GRID2: variants seen among roughly 807,000 people sequenced by gnomAD.
GRID2 encodes glutamate receptor ionotropic, delta-2.
Under a neutral mutation model 114.8 loss-of-function variants are expected in GRID2, and 33 were observed. The observed-to-expected ratio is 0.29, with a 90% CI of 0.22 to 0.38. The LOEUF (loss-of-function observed/expected upper bound fraction) is 0.38, where lower values mean the gene tolerates loss of function less well. Among genes scored for constraint, GRID2 ranks in the 10% least tolerant of loss-of-function variants. The pLI is 1.00. For synonymous variants in GRID2, 505 were observed against 449.9 expected (o/e 1.12, Z -1.55); for missense variants, 1,184 against 1,257.7 (o/e 0.94, Z 0.89).
chr4:93,503,500 G>A (rs577332463), intron 12 of GRID2, among the ~76,000 whole-genome samples: 163 of 115,180 alleles, frequency 1.4e-3, no homozygotes, highest in African/African-American at 4.5e-3. Flanking sequence ...AACAGTCCTC[G>A]GTGTGTGATG....
intron 2 of GRID2, among the ~76,000 whole-genome samples, chr4:92,675,086 C>G (rs565431579): frequency 1.3e-5 from 2 of 152,246 alleles, no homozygotes; most frequent in Non-Finnish European, 2.9e-5. Flanking sequence ...TTTGTTCTGA[C>G]AAGTAGTTAA....
At chr4:92,795,993 G>A (rs1046801158) in intron 2 of GRID2, among the ~76,000 whole-genome samples, 2 of 151,836 alleles carry the variant, frequency 1.3e-5, no homozygotes, top group Admixed American at 6.6e-5. Context: ...GTGAAGTTAT[G>A]CACAACATCT....
intron 2 of GRID2, among the ~76,000 whole-genome samples, chr4:92,763,222 T>C (rs1297715254): frequency 6.6e-6 from 1 of 152,168 alleles, no homozygotes; most frequent in African/African-American, 2.4e-5. Flanking sequence ...TAAATTAACT[T>C]CTAGGCTTTA....
At chr4:92,740,363 A>G (rs1258288453) in intron 2 of GRID2, among the ~76,000 whole-genome samples, 1 of 152,150 alleles carries the variant, frequency 6.6e-6, no homozygotes, top group East Asian at 1.9e-4. Flanking sequence ...CTGTTTCTTC[A>G]TGCATGTCAG....
chr4:93,788,682 G>A (rs764916481), intron 1 of GRID2, among the ~76,000 whole-genome samples: 1 of 152,126 alleles, frequency 6.6e-6, no homozygotes, highest in African/African-American at 2.4e-5. Flanking sequence ...TGATCTAAAG[G>A]ACGTTCAAGG....
At chr4:93,526,008 A>T (rs1730854906) in intron 13 of GRID2, among the ~76,000 whole-genome samples, 2 of 152,206 alleles carry the variant, frequency 1.3e-5, no homozygotes, top group African/African-American at 2.4e-5. Flanking sequence ...TATATTTTTT[A>T]AAAATTTTCT....
chr4:92,811,772 A>G (rs954285522), intron 2 of GRID2, among the ~76,000 whole-genome samples: 3 of 152,112 alleles, frequency 2.0e-5, no homozygotes, highest in Non-Finnish European at 4.4e-5. Context: ...TGAAAATGGG[A>G]GACATATTTA....
chr4:93,701,726 T>C (rs1195740343), intron 14 of GRID2, among the ~76,000 whole-genome samples: 1 of 152,072 alleles, frequency 6.6e-6, no homozygotes, highest in South Asian at 2.1e-4. Context: ...TGGTGGCATA[T>C]ATCTGTAGTC....
intron 3 of GRID2, among the ~76,000 whole-genome samples, chr4:93,109,110 G>A (rs940374361): frequency 1.3e-5 from 2 of 152,154 alleles, no homozygotes; most frequent in Non-Finnish European, 2.9e-5. Flanking sequence ...TTAACCCTTT[G>A]CTTAATTCAT....
At chr4:93,510,770 AATC>A (rs1215225164) in intron 12 of GRID2, among the ~76,000 whole-genome samples, 2 of 152,186 alleles carry the variant, frequency 1.3e-5, no homozygotes, top group African/African-American at 4.8e-5. Context: ...TGGAAGGAGG[AATC>A]ATCAACATCA....
intron 8 of GRID2, 126 bp from the exon 9 acceptor site, chr4:93,395,481 C>A (rs555680754): frequency 3.9e-6 from 2 of 515,472 alleles, no homozygotes; most frequent in South Asian, 3.2e-5. Context: ...AAAAAGAAAA[C>A]CTGTGCAGTA....
intron 8 of GRID2, among the ~76,000 whole-genome samples, chr4:93,261,885 G>C (rs1750293781): frequency 6.6e-6 from 1 of 151,252 alleles, no homozygotes; most frequent in South Asian, 2.1e-4. Flanking sequence ...ATGTATGCAT[G>C]TTACATATAT....
At chr4:93,717,322 ACT>A (rs1347013129) in intron 14 of GRID2, among the ~76,000 whole-genome samples, 1 of 151,848 alleles carries the variant, frequency 6.6e-6, no homozygotes, top group Non-Finnish European at 1.5e-5. Flanking sequence ...TTTTATTGTC[ACT>A]CTCTCAATAT....
At chr4:92,717,177 A>G (rs1053517929) in intron 2 of GRID2, among the ~76,000 whole-genome samples, 13 of 152,246 alleles carry the variant, frequency 8.5e-5, no homozygotes, top group African/African-American at 3.1e-4. Context: ...ATTCTTCTTT[A>G]TGGACACTTG....
At chr4:92,794,298 T>C (rs1185591926) in intron 2 of GRID2, among the ~76,000 whole-genome samples, 1 of 151,816 alleles carries the variant, frequency 6.6e-6, no homozygotes, top group African/African-American at 2.4e-5. Flanking sequence ...GCAACTCATA[T>C]TGCAATTGGC....
At chr4:93,530,199 G>A (rs1474555591) in intron 13 of GRID2, among the ~76,000 whole-genome samples, 1 of 152,028 alleles carries the variant, frequency 6.6e-6, no homozygotes, top group Admixed American at 6.6e-5. Flanking sequence ...GCCCCCTCCT[G>A]CAAATTCATC....
At chr4:93,184,894 A>T (rs951279021) in intron 4 of GRID2, among the ~76,000 whole-genome samples, 1 of 151,718 alleles carries the variant, frequency 6.6e-6, no homozygotes, top group African/African-American at 2.4e-5. Context: ...AAAAAACACA[A>T]AAAACAAAAT....
At chr4:92,835,636 C>T (rs6817383) in intron 2 of GRID2, among the ~76,000 whole-genome samples, 13 of 151,926 alleles carry the variant, frequency 8.6e-5, no homozygotes, top group African/African-American at 3.1e-4. Context: ...ATGGGACCAC[C>T]CCCCATGCCA....
chr4:92,960,447 TTAAG>T (rs1238254366), intron 2 of GRID2, among the ~76,000 whole-genome samples: 1 of 152,070 alleles, frequency 6.6e-6, no homozygotes, highest in Non-Finnish European at 1.5e-5. Context: ...TGCAATGCTG[TTAAG>T]TATGTACATA....
Sources: gnomAD v4.1 joint callset for allele counts (sites outside exome capture counted in the v4.1 genomes callset) on GRCh38, gnomAD v4.1.1 for gene constraint, MANE v1.5 for transcripts, NCBI Gene and HGNC (gene_info 2026-07-23, HGNC 2026-07-21) for gene names.